USH2A: variants seen among roughly 807,000 people sequenced by gnomAD.
USH2A encodes the protein Usher syndrome 2A (autosomal recessive, mild).
In USH2A, 443 loss-of-function variants were observed where a neutral mutation model predicts 538.9. The observed-to-expected ratio is 0.82, with a 90% CI of 0.76 to 0.89. The LOEUF (loss-of-function observed/expected upper bound fraction) is 0.89. Among genes scored for constraint, USH2A ranks in the 40% least tolerant of loss-of-function variants. The pLI is 0.00. For missense variants in USH2A, 6,633 were observed against 6,324.8 expected, an observed-to-expected ratio of 1.05 and a Z score of -1.65; for synonymous variants, 2,413 against 2,273.5, an observed-to-expected ratio of 1.06 and a Z score of -1.75.
intron 9 of USH2A, among the ~76,000 whole-genome samples, chr1:216,308,943 A>C (rs1309476756): frequency 6.6e-6 from 1 of 152,214 alleles, no homozygotes; most frequent in African/African-American, 2.4e-5. Flanking sequence ...GCTGCATTGC[A>C]GCATGAGGGC....
chr1:215,880,672 T>C (rs1664881613), intron 41 of USH2A, among the ~76,000 whole-genome samples: 1 of 152,184 alleles, frequency 6.6e-6, no homozygotes, highest in Non-Finnish European at 1.5e-5. Flanking sequence ...GAGAGCTTCC[T>C]GGTATTTGTA....
intron 14 of USH2A, among the ~76,000 whole-genome samples, chr1:216,221,311 T>C (rs1167858049): frequency 1.3e-5 from 2 of 152,180 alleles, no homozygotes; most frequent in Non-Finnish European, 2.9e-5. Context: ...ACCAGTGTTC[T>C]CAGTTCACAG....
chr1:216,064,684 TG>T (rs2031293816), intron 30 of USH2A, among the ~76,000 whole-genome samples: 1 of 152,062 alleles, frequency 6.6e-6, no homozygotes, highest in African/African-American at 2.4e-5. Flanking sequence ...TTCTGTGTTT[TG>T]ATCTGTTTAG....
chr1:216,344,906 G>T (rs575863439), intron 4 of USH2A, among the ~76,000 whole-genome samples: 1 of 150,780 alleles, frequency 6.6e-6, no homozygotes, highest in African/African-American at 2.4e-5. Flanking sequence ...TGCTATTCTC[G>T]TTGGGTTAAT....
chr1:216,070,204 A>G lies in USH2A; in HGVS notation c.5946T>C (p.Gly1982=). ...EVTWDEPVVR[G]VIEKYILKAY... The stretch of plus-strand genomic sequence containing the variant: ...CTTTCAGAATGTACTTCTCAATTAC[A>G]CCTCTGACAACAGGTTCATCCCAGG... The change falls in exon 30 of 72, where the codon GGT becomes GGC. Residue 1982 remains glycine (G), a synonymous_variant. Coordinates refer to ENST00000307340, the MANE Select transcript of USH2A (RefSeq NM_206933.4). The G allele has an allele frequency of 1.2e-6, 2 of 1,613,898 alleles. No homozygotes were observed. Among genetic ancestry groups the G allele is most frequent in the Non-Finnish European group, 1.7e-6 (2 of 1,179,912 alleles).
chr1:216,129,342 C>T (rs749516452), intron 21 of USH2A, among the ~76,000 whole-genome samples: 4 of 152,038 alleles, frequency 2.6e-5, no homozygotes, highest in South Asian at 2.1e-4. Flanking sequence ...TTCTTCGTAG[C>T]GGCTATACTA....
At chr1:215,901,123 C>T (rs1665487679) in intron 38 of USH2A, 2 of 593,054 alleles carry the variant, frequency 3.4e-6, no homozygotes, top group African/African-American at 1.9e-5. Context: ...TAAAAGCCGG[C>T]CCCCAAACAG....
intron 49 of USH2A, among the ~76,000 whole-genome samples, chr1:215,810,143 A>G (rs1428949326): frequency 6.6e-6 from 1 of 152,122 alleles, no homozygotes; most frequent in Non-Finnish European, 1.5e-5. Context: ...AAAGAATCAA[A>G]ATTTGGGGCA....
chr1:215,979,810 C>A (rs1667707018), intron 35 of USH2A, among the ~76,000 whole-genome samples: 2 of 152,046 alleles, frequency 1.3e-5, no homozygotes, highest in Non-Finnish European at 2.9e-5. Context: ...CAAACATGAA[C>A]AATGACGTTA....
chr1:216,365,213 C>T (rs1442557198), intron 3 of USH2A, 128 bp from the exon 4 acceptor site: 3 of 1,108,292 alleles, frequency 2.7e-6, no homozygotes, highest in South Asian at 3.3e-5. Context: ...AGACTGAAAA[C>T]ATTATTTTAA....
chr1:216,254,661 G>T (rs909974978), intron 11 of USH2A, among the ~76,000 whole-genome samples: 6 of 152,138 alleles, frequency 3.9e-5, no homozygotes, highest in African/African-American at 1.4e-4. Flanking sequence ...AGAGAACTGA[G>T]GTGCCCCAGC....
intron 37 of USH2A, among the ~76,000 whole-genome samples, chr1:215,954,112 G>C (rs1268199736): frequency 6.6e-6 from 1 of 152,150 alleles, no homozygotes; most frequent in East Asian, 1.9e-4. Context: ...TTACACTGTT[G>C]GTGGGACTGT....
At chr1:215,629,298 A>C (rs1029277638) in intron 70 of USH2A, among the ~76,000 whole-genome samples, 3 of 152,170 alleles carry the variant, frequency 2.0e-5, no homozygotes, top group Non-Finnish European at 2.9e-5. Context: ...CGGCACCTAG[A>C]GAGCTCATGC....
At chr1:216,059,441 T>C (rs976168431) in intron 30 of USH2A, among the ~76,000 whole-genome samples, 16 of 152,334 alleles carry the variant, frequency 1.1e-4, no homozygotes, top group Admixed American at 9.8e-4. Context: ...CACTTCTTTG[T>C]CAATGACTGG....
intron 41 of USH2A, 87 bp from the exon 42 acceptor site, chr1:215,879,185 TTTCAG>T: frequency 8.3e-7 from 1 of 1,205,132 alleles, no homozygotes; most frequent in Admixed American, 1.7e-5. Context: ...TTGCTCTTGT[TTTCAG>T]TTAAGTCATT....
chr1:215,676,170 CATATATATACATGTACATAT>C (rs1474081969), intron 62 of USH2A, among the ~76,000 whole-genome samples: 3 of 151,904 alleles, frequency 2.0e-5, no homozygotes, highest in Admixed American at 6.6e-5. Context: ...AATATCCATA[CATATATATACATGTACATAT>C]ATACATGTAT....
At chr1:215,930,864 G>A (rs190001421) in intron 38 of USH2A, among the ~76,000 whole-genome samples, 28 of 151,986 alleles carry the variant, frequency 1.8e-4, no homozygotes, top group African/African-American at 5.8e-4. Context: ...ATTTGGATTC[G>A]TTTTTATTTT....
rs140869846 is a variant in USH2A, at chr1:216,018,322, CTAGTGGCTAAA to C, written c.6326-17771_6326-17761del. On this transcript the variant is annotated intron_variant, in intron 32 of 71. Coordinates refer to ENST00000307340, the MANE Select transcript of USH2A (RefSeq NM_206933.4). ...GGCACATTCAAGAATAAGAACGCAG[CTAGTGGCTAAA>C]CACAGACCAAGCCATTGCTGCCTTA... Among the ~76,000 whole-genome samples the C allele has an allele frequency of 3.0e-3, 457 of 152,288 alleles. 1 individual carries two copies. The highest frequency in any genetic ancestry group is 0.011 in the African/African-American group (447 of 41,560).
At chr1:216,319,521 C>T (rs915803030) in intron 9 of USH2A, among the ~76,000 whole-genome samples, 3 of 152,078 alleles carry the variant, frequency 2.0e-5, no homozygotes, top group Non-Finnish European at 4.4e-5. Flanking sequence ...AAGATTTCTT[C>T]TTTTAAAGCA....
Sources: allele counts gnomAD v4.1 joint callset (sites outside exome capture counted in the v4.1 genomes callset), GRCh38; gene constraint gnomAD v4.1.1; transcripts MANE v1.5; gene names NCBI Gene and HGNC (gene_info 2026-07-23, HGNC 2026-07-21).